DAP: variants seen among roughly 807,000 people sequenced by gnomAD.
The protein encoded by DAP is death associated protein, also known as death-associated protein 1.
Under a neutral mutation model 13.8 loss-of-function variants are expected in DAP, and 8 were observed. The observed-to-expected ratio is 0.58, with a 90% CI of 0.34 to 1.05. The LOEUF (loss-of-function observed/expected upper bound fraction) is 1.05, where lower values mean the gene tolerates loss of function less well. DAP is among the 50% of genes least tolerant of loss of function. The pLI is 0.03. For missense variants in DAP, 106 were observed against 133.2 expected (o/e 0.80, Z 1.01); for synonymous variants, 47 against 47.5 (o/e 0.99, Z 0.04).
At chr5:10,744,486 G>C (rs1739852340) in intron 2 of DAP, among the ~76,000 whole-genome samples, 1 of 152,206 alleles carries the variant, frequency 6.6e-6, no homozygotes, top group South Asian at 2.1e-4. Context: ...GGCTGCAAAA[G>C]GGTAGGATTA....
At chr5:10,693,428 T>A (rs902196706) in intron 2 of DAP, among the ~76,000 whole-genome samples, 5 of 152,194 alleles carry the variant, frequency 3.3e-5, no homozygotes, top group African/African-American at 1.2e-4. Flanking sequence ...CCCTAAAGGA[T>A]AGAAATGATC....
intron 2 of DAP, among the ~76,000 whole-genome samples, chr5:10,687,583 C>CT (rs1738187681): frequency 6.6e-6 from 1 of 152,170 alleles, no homozygotes; most frequent in African/African-American, 2.4e-5. Context: ...GAAGATGGAA[C>CT]TGAATGGCTG....
intron 2 of DAP, 74 bp from the exon 3 acceptor site, chr5:10,683,645 T>C: frequency 1.4e-6 from 2 of 1,437,556 alleles, no homozygotes; most frequent in South Asian, 1.1e-5. Flanking sequence ...AGACGATGTG[T>C]ATGTGGATGA....
Position 10,737,074 on chromosome 5 carries a change from G to A in DAP, c.152+11101C>T, listed in dbSNP as rs150771573. ...ACAATATTGGAGCTGAGCCAGGTAC[G>A]GTGGCTCACGCCTGTAATCCCAACA... On this transcript the variant is annotated intron_variant, in intron 2 of 3. Transcript: ENST00000230895. Among the ~76,000 whole-genome samples the A allele has an allele frequency of 7.0e-3, 1,064 of 152,304 alleles. 7 individuals are homozygous for A. Among genetic ancestry groups the A allele is most frequent in the Non-Finnish European group, 0.01 (712 of 68,014 alleles).
intron 2 of DAP, among the ~76,000 whole-genome samples, chr5:10,734,558 A>G (rs532859766): frequency 1.6e-4 from 24 of 152,276 alleles, no homozygotes; most frequent in African/African-American, 5.3e-4. Context: ...ATCCACCTCC[A>G]GGACAGGAGG....
At chr5:10,742,164 C>A (rs149183780) in intron 2 of DAP, among the ~76,000 whole-genome samples, 5 of 152,160 alleles carry the variant, frequency 3.3e-5, no homozygotes, top group African/African-American at 1.2e-4. Context: ...AAGAGCTATC[C>A]GTTCTCCTGG....
chr5:10,756,215 G>C (rs3822421), intron 1 of DAP, among the ~76,000 whole-genome samples: 28,623 of 139,526 alleles, frequency 0.21, 7,026 homozygotes, highest in East Asian at 0.4. Context: ...TCTGAAAAAA[G>C]ATAGTAACTA....
In DAP at chr5:10,680,612, T is replaced by C; in HGVS notation, c.*444A>G. ...GAGGGGCCGCCCAAACTCATTCCCTTAGTTCTTACTCTCCCACAGGTGTTG... is the reference window on the plus strand; with the variant it reads ...GAGGGGCCGCCCAAACTCATTCCCTCAGTTCTTACTCTCCCACAGGTGTTG... On this transcript the variant is annotated 3_prime_UTR_variant, in exon 4 of 4. Transcript: ENST00000230895. 7.2e-6 allele frequency: 7 copies of C among 966,290 alleles called. No homozygotes were observed. The highest frequency in any genetic ancestry group is 1.1e-5 in the Non-Finnish European group (7 of 665,360). 59.9% of individuals were successfully genotyped at this position (966,290 alleles called of 1,614,324 possible). A position where few individuals can be genotyped will look rare whatever the true frequency, so the allele number is the denominator to read the frequency against.
At chr5:10,747,986 A>G (rs906980668) in intron 2 of DAP, 189 bp downstream of exon 2, 8 of 548,316 alleles carry the variant, frequency 1.5e-5, no homozygotes, top group African/African-American at 1.3e-4. Context: ...GAGGACCTCT[A>G]GGGGCTCTAT....
intron 2 of DAP, among the ~76,000 whole-genome samples, chr5:10,709,191 T>C (rs572472885): frequency 6.6e-6 from 1 of 152,252 alleles, no homozygotes; most frequent in Admixed American, 6.5e-5. Flanking sequence ...TTCACTATAA[T>C]TAACACAAAT....
chr5:10,705,738 G>A (rs1214309871), intron 2 of DAP, among the ~76,000 whole-genome samples: 4 of 152,202 alleles, frequency 2.6e-5, no homozygotes, highest in Non-Finnish European at 5.9e-5. Flanking sequence ...AGATTTAAAT[G>A]TAAGGTGCAG....
chr5:10,710,671 C>G (rs1198312699), intron 2 of DAP, among the ~76,000 whole-genome samples: 1 of 152,190 alleles, frequency 6.6e-6, no homozygotes, highest in Non-Finnish European at 1.5e-5. Context: ...AGAAGGTGCC[C>G]TGAAGGCAGG....
chr5:10,759,297 G>A (rs1402068638), intron 1 of DAP, among the ~76,000 whole-genome samples: 3 of 152,200 alleles, frequency 2.0e-5, no homozygotes, highest in Non-Finnish European at 2.9e-5. Flanking sequence ...ATGTCCTGGG[G>A]AGTGGAGGGC....
At chr5:10,704,823 T>C (rs1738661450) in intron 2 of DAP, among the ~76,000 whole-genome samples, 1 of 152,146 alleles carries the variant, frequency 6.6e-6, no homozygotes, top group Non-Finnish European at 1.5e-5. Context: ...CAAGCATCAC[T>C]GACCTCCTTT....
chr5:10,705,167 T>A (rs1738667388), intron 2 of DAP, among the ~76,000 whole-genome samples: 1 of 152,208 alleles, frequency 6.6e-6, no homozygotes, highest in Admixed American at 6.5e-5. Context: ...CATTTCCTGA[T>A]GCGTTTGAAT....
Position 10,681,140 on chromosome 5 carries a change from C to A in DAP, c.225G>T (p.Ala75=), listed in dbSNP as rs370396587. The part of the protein sequence containing the change: ...RGDKDFPPAA[A]QVAHQKPHAS... ...CATGCGGCTTCTGGTGAGCCACCTG[C>A]GCAGCCGCCGGGGGGAAATCTTTGT... Residue 75 remains alanine (A), a synonymous_variant, in exon 4 of 4, where the codon GCG becomes GCT. Coordinates refer to ENST00000230895, the MANE Select transcript of DAP (RefSeq NM_004394.3). The A allele has an allele frequency of 6.5e-7, 1 of 1,529,612 alleles. No individual in the cohort carries two copies. Among genetic ancestry groups the A allele is most frequent in the Non-Finnish European group, 8.8e-7 (1 of 1,140,962 alleles). 94.8% of individuals were successfully genotyped at this position (1,529,612 alleles called of 1,614,324 possible). A position where few individuals can be genotyped will look rare whatever the true frequency, so the allele number is the denominator to read the frequency against.
At chr5:10,749,464 A>T (rs1739991253) in intron 1 of DAP, among the ~76,000 whole-genome samples, 1 of 152,114 alleles carries the variant, frequency 6.6e-6, no homozygotes, top group Non-Finnish European at 1.5e-5. Flanking sequence ...CCCGACACTT[A>T]CTATTGTGTG....
At chr5:10,710,854 A>G (rs1472584593) in intron 2 of DAP, among the ~76,000 whole-genome samples, 2 of 152,192 alleles carry the variant, frequency 1.3e-5, no homozygotes, top group Non-Finnish European at 2.9e-5. Context: ...AAGGTATCTC[A>G]GGCATCTGCA....
chr5:10,730,099 T>C (rs1297889795), intron 2 of DAP, among the ~76,000 whole-genome samples: 3 of 152,376 alleles, frequency 2.0e-5, no homozygotes, highest in East Asian at 1.9e-4. Context: ...CTTTGCAGCA[T>C]TGCTAAGTCT....
Sources: allele counts gnomAD v4.1 joint callset (sites outside exome capture counted in the v4.1 genomes callset), GRCh38; gene constraint gnomAD v4.1.1; transcripts MANE v1.5; gene names NCBI Gene and HGNC (gene_info 2026-07-23, HGNC 2026-07-21).